Variants in PTPRM observed in about 807,000 individuals in gnomAD.
PTPRM encodes protein tyrosine phosphatase receptor type M.
In PTPRM, 47 loss-of-function variants were observed where a neutral mutation model predicts 186.7. That is an observed-to-expected ratio of 0.25 (90% confidence interval 0.20 to 0.32). The LOEUF (loss-of-function observed/expected upper bound fraction) is 0.32. PTPRM is among the 10% of genes least tolerant of loss of function. The pLI, the probability that PTPRM is intolerant of heterozygous loss-of-function variation, is 1.00. For synonymous variants in PTPRM, 668 were observed against 674.9 expected (o/e 0.99, Z 0.16); for missense variants, 1,494 against 1,865.0 (o/e 0.80, Z 3.66).
chr18:7,772,396 TTTCTTTC>T (rs1281425150), intron 1 of PTPRM, among the ~76,000 whole-genome samples: 1 of 125,884 alleles, frequency 7.9e-6, no homozygotes, highest in African/African-American at 2.8e-5. Context: ...TCTTTCTTTC[TTTCTTTC>T]TTTCTTTCTT....
chr18:7,874,278 A>C (rs1234491101), intron 2 of PTPRM, among the ~76,000 whole-genome samples: 1 of 152,128 alleles, frequency 6.6e-6, no homozygotes, highest in African/African-American at 2.4e-5. Flanking sequence ...ATTTTTTGAC[A>C]TTTTATAAAG....
intron 32 of PTPRM, among the ~76,000 whole-genome samples, chr18:8,402,587 G>A (rs1410204772): frequency 1.3e-5 from 2 of 152,330 alleles, no homozygotes; most frequent in Admixed American, 1.3e-4. Context: ...TTTTTATGCA[G>A]TAAGGGATGG....
chr18:8,128,619 A>G (rs1301170685), intron 13 of PTPRM, among the ~76,000 whole-genome samples: 1 of 152,138 alleles, frequency 6.6e-6, no homozygotes, highest in Non-Finnish European at 1.5e-5. Context: ...AGTTTCATCT[A>G]TAAAACAGTA....
At chr18:7,993,160 TGAA>T (rs2083350580) in intron 7 of PTPRM, among the ~76,000 whole-genome samples, 1 of 151,730 alleles carries the variant, frequency 6.6e-6, no homozygotes, top group South Asian at 2.1e-4. Context: ...ATAGGTCTTT[TGAA>T]ATAACCCAGT....
intron 1 of PTPRM, among the ~76,000 whole-genome samples, chr18:7,710,344 C>T (rs2040185952): frequency 6.6e-6 from 1 of 152,136 alleles, no homozygotes; most frequent in African/African-American, 2.4e-5. Context: ...CAAAATCTGG[C>T]ATCCCTTTAT....
intron 14 of PTPRM, among the ~76,000 whole-genome samples, chr18:8,221,503 G>C (rs866034888): frequency 1.3e-5 from 2 of 152,218 alleles, no homozygotes; most frequent in Non-Finnish European, 2.9e-5. Context: ...AATAAGAGCA[G>C]ATTCAGAGAG....
chr18:7,793,846 A>G (rs1386932477), intron 2 of PTPRM, among the ~76,000 whole-genome samples: 1 of 152,102 alleles, frequency 6.6e-6, no homozygotes, highest in Non-Finnish European at 1.5e-5. Context: ...AGACCTTTGC[A>G]GGCAGACACA....
At chr18:7,588,379 G>A (rs1339553620) in intron 1 of PTPRM, among the ~76,000 whole-genome samples, 1 of 152,094 alleles carries the variant, frequency 6.6e-6, no homozygotes, top group Admixed American at 6.5e-5. Context: ...TTGTTAAGAG[G>A]TAGAAAATAC....
chr18:8,170,389 A>G (rs543352168), intron 14 of PTPRM, among the ~76,000 whole-genome samples: 2 of 152,150 alleles, frequency 1.3e-5, no homozygotes, highest in South Asian at 2.1e-4. Flanking sequence ...CCTTCAAACT[A>G]TCAAGCAGTA....
chr18:7,920,305 T>C lies in PTPRM; in HGVS notation c.548-6263T>C, dbSNP rs143067424. ...TACTTTGTAGTTAAATGATTTTCTCTGGTCACGTGTTTTAATTTGTTGTTT... is the reference window on the plus strand; with the variant it reads ...TACTTTGTAGTTAAATGATTTTCTCCGGTCACGTGTTTTAATTTGTTGTTT... On this transcript the variant is annotated intron_variant, in intron 4 of 32. Transcript: ENST00000580170. Among the ~76,000 whole-genome samples, 1,096 of 152,282 alleles carry C rather than the reference T, an allele frequency of 7.2e-3. 14 individuals carry two copies. Among genetic ancestry groups the C allele is most frequent in the African/African-American group, 0.025 (1,026 of 41,564 alleles).
At chr18:8,248,095 A>C in intron 16 of PTPRM, 55 bp from the exon 17 acceptor site, 1 of 1,490,190 alleles carries the variant, frequency 6.7e-7, no homozygotes, top group Non-Finnish European at 9.4e-7. Context: ...TCAATCATTT[A>C]CTGTTCTTTC....
At chr18:8,246,338 T>C (rs1038776888) in intron 15 of PTPRM, among the ~76,000 whole-genome samples, 2 of 152,108 alleles carry the variant, frequency 1.3e-5, no homozygotes, top group African/African-American at 4.8e-5. Context: ...TAGGAGAATT[T>C]AAAAATAAGC....
chr18:8,333,196 T>C (rs927757098), intron 22 of PTPRM, among the ~76,000 whole-genome samples: 2 of 152,226 alleles, frequency 1.3e-5, no homozygotes, highest in African/African-American at 4.8e-5. Context: ...TACCCACCCA[T>C]CTCAACTTTG....
At chr18:8,329,157 A>G (rs1248856580) in intron 22 of PTPRM, among the ~76,000 whole-genome samples, 3 of 152,240 alleles carry the variant, frequency 2.0e-5, no homozygotes, top group East Asian at 1.9e-4. Flanking sequence ...AACCTTCAAG[A>G]GTATTTAGAG....
At position 7,888,194 on chromosome 18, in the gene PTPRM, C is replaced by T; in HGVS notation, c.285C>T (p.His95=). ...LLPQLKENDT[H]CIDFHYFVSS... ...CCCAACTTAAAGAAAATGACACCCA[C>T]TGCATCGATTTTCACTATTTTGTGT... The change falls in exon 3 of 33, where the codon CAC becomes CAT. Residue 95 remains histidine, a synonymous_variant. Transcript: ENST00000580170. 1 of 1,614,182 alleles carries T rather than the reference C, an allele frequency of 6.2e-7. No individual in the cohort carries two copies. Among genetic ancestry groups the T allele is most frequent in the African/African-American group, 1.3e-5 (1 of 75,048 alleles).
intron 20 of PTPRM, among the ~76,000 whole-genome samples, chr18:8,305,251 C>T (rs1463128570): frequency 6.6e-6 from 1 of 152,052 alleles, no homozygotes; most frequent in Non-Finnish European, 1.5e-5. Context: ...AGGAAAAAAA[C>T]GTCTGTTTTA....
At chr18:7,954,663 A>G (rs568332422) in intron 6 of PTPRM, among the ~76,000 whole-genome samples, 2 of 152,212 alleles carry the variant, frequency 1.3e-5, no homozygotes, top group South Asian at 2.1e-4. Flanking sequence ...AACTTTTACC[A>G]GTTAACTTTA....
chr18:7,875,341 T>C (rs370340137), intron 2 of PTPRM, among the ~76,000 whole-genome samples: 3 of 151,678 alleles, frequency 2.0e-5, no homozygotes, highest in East Asian at 3.9e-4. Flanking sequence ...TTTTTTTTTT[T>C]GAGAAGGAGT....
intron 14 of PTPRM, among the ~76,000 whole-genome samples, chr18:8,202,507 G>A (rs1200682125): frequency 6.6e-6 from 1 of 151,984 alleles, no homozygotes; most frequent in Non-Finnish European, 1.5e-5. Flanking sequence ...GCAAAAAAGT[G>A]GGGAGAGGGG....
Sources: allele counts gnomAD v4.1 joint callset (sites outside exome capture counted in the v4.1 genomes callset), GRCh38; gene constraint gnomAD v4.1.1; transcripts MANE v1.5; gene names NCBI Gene and HGNC (gene_info 2026-07-23, HGNC 2026-07-21).